Variants in PDE10A observed in about 807,000 individuals in gnomAD.
PDE10A encodes cAMP and cAMP-inhibited cGMP 3',5'-cyclic phosphodiesterase 10A.
PDE10A carries 39 observed loss-of-function variants against 97.7 expected under a neutral mutation model. The observed-to-expected ratio is 0.40, with a 90% CI of 0.31 to 0.52. The LOEUF is 0.52. Ranked by LOEUF, PDE10A falls within the 20% of genes least tolerant of loss-of-function variation. PDE10A has a pLI of 0.56. For synonymous variants in PDE10A, 371 were observed against 376.8 expected, an observed-to-expected ratio of 0.98 and a Z score of 0.18; for missense variants, 731 against 1,047.8, an observed-to-expected ratio of 0.70 and a Z score of 4.17.
upstream of PDE10A, among the ~76,000 whole-genome samples, chr6:165,665,298 G>T (rs1189148387): frequency 1.3e-5 from 2 of 152,194 alleles, no homozygotes; most frequent in Non-Finnish European, 2.9e-5. Context: ...TGACAAAGGC[G>T]CAGACATACA....
chr6:165,619,719 C>CTAGTG (rs1788029796), intron 1 of PDE10A, among the ~76,000 whole-genome samples: 3 of 102,554 alleles, frequency 2.9e-5, no homozygotes, highest in African/African-American at 1.7e-4. Flanking sequence ...GTAGTGTAGT[C>CTAGTG]CAGTGTAGTG....
intron 19 of PDE10A, among the ~76,000 whole-genome samples, chr6:165,339,599 T>A (rs1420365129): frequency 2.0e-5 from 3 of 152,184 alleles, no homozygotes; most frequent in African/African-American, 7.2e-5. Flanking sequence ...CTGGTTTCAT[T>A]TTGCAGAAGT....
At chr6:165,617,846 C>T (rs1276926086) in intron 1 of PDE10A, among the ~76,000 whole-genome samples, 2 of 152,130 alleles carry the variant, frequency 1.3e-5, no homozygotes, top group African/African-American at 4.8e-5. Flanking sequence ...TAACGGCTCT[C>T]AGTGGTAAAG....
intron 7 of PDE10A, among the ~76,000 whole-genome samples, 199 bp from the exon 8 acceptor site, chr6:165,431,671 G>T (rs1789589232): frequency 6.7e-6 from 1 of 149,248 alleles, no homozygotes; most frequent in African/African-American, 2.5e-5. Flanking sequence ...CTCAACAAAG[G>T]ACTCGGGGAT....
At chr6:165,968,980 C>T (rs1784594535) in intron 1 of PDE10A, among the ~76,000 whole-genome samples, 1 of 152,196 alleles carries the variant, frequency 6.6e-6, no homozygotes, top group Non-Finnish European at 1.5e-5. Flanking sequence ...TGAAACCTCC[C>T]TGTCTCTACC....
At chr6:165,777,108 G>C (rs1778208169) in intron 1 of PDE10A, among the ~76,000 whole-genome samples, 1 of 152,180 alleles carries the variant, frequency 6.6e-6, no homozygotes, top group African/African-American at 2.4e-5. Context: ...CTCCATGCTT[G>C]TCTACTGAGA....
chr6:165,938,942 G>A (rs193107439), intron 1 of PDE10A, among the ~76,000 whole-genome samples: 182 of 152,278 alleles, frequency 1.2e-3, no homozygotes, highest in Non-Finnish European at 2.1e-3. Flanking sequence ...ATTTATTGCA[G>A]CTCTGTTTAT....
intron 1 of PDE10A, among the ~76,000 whole-genome samples, chr6:165,825,918 C>T (rs117665332): frequency 0.046 from 6,993 of 152,300 alleles, 200 homozygotes; most frequent in Middle Eastern, 0.085. Flanking sequence ...ATGAGAAACT[C>T]CCTTTTTTTT....
At chr6:165,625,604 G>A (rs943307618) in intron 1 of PDE10A, among the ~76,000 whole-genome samples, 4 of 152,206 alleles carry the variant, frequency 2.6e-5, no homozygotes, top group Non-Finnish European at 5.9e-5. Flanking sequence ...GGGACCTGGT[G>A]AGAGGTAATT....
chr6:165,971,626 G>T (rs1009995552), intron 1 of PDE10A, among the ~76,000 whole-genome samples: 1 of 152,146 alleles, frequency 6.6e-6, no homozygotes, highest in Non-Finnish European at 1.5e-5. Flanking sequence ...TTTTACGTAT[G>T]TATTTTACTG....
At chr6:165,718,096 T>C (rs958217848) in intron 1 of PDE10A, 5 of 152,238 alleles carry the variant, frequency 3.3e-5, no homozygotes, top group Middle Eastern at 3.2e-3. Flanking sequence ...GTTTTTAATT[T>C]TGATAAAATC....
At position 165,733,203 on chromosome 6, in the gene PDE10A, C is replaced by T. The variant is rs76704594; in HGVS notation, c.-614-189635G>A. On this transcript the variant is annotated intron_variant, in intron 1 of 19. Transcript: ENST00000366882. The stretch of plus-strand genomic sequence containing the variant: ...GAGAACCTCCCTAGCCATGTTCCAC[C>T]CAGACCTGAGATACAACAAATAATC... Among the ~76,000 whole-genome samples the T allele has an allele frequency of 9.6e-3, 1,460 of 152,318 alleles. 13 individuals carry two copies. The highest frequency in any genetic ancestry group is 0.015 in the Non-Finnish European group (1,017 of 68,026).
At chr6:165,886,621 C>T (rs948961824) in intron 1 of PDE10A, among the ~76,000 whole-genome samples, 6 of 152,180 alleles carry the variant, frequency 3.9e-5, no homozygotes, top group African/African-American at 1.4e-4. Context: ...CTTGGCCTTG[C>T]TTTTTTGAAG....
chr6:165,508,785 C>G (rs771746014), intron 2 of PDE10A, among the ~76,000 whole-genome samples: 22 of 152,050 alleles, frequency 1.4e-4, no homozygotes, highest in Admixed American at 2.6e-4. Context: ...ACTGAGGATT[C>G]ATTTACATAC....
intron 1 of PDE10A, among the ~76,000 whole-genome samples, chr6:165,558,928 G>A (rs187833894): frequency 1.3e-5 from 2 of 151,324 alleles, no homozygotes; most frequent in East Asian, 3.9e-4. Context: ...TTGTGCACAT[G>A]TACCCTAAAA....
chr6:165,944,084 C>T (rs1783679088), intron 1 of PDE10A, among the ~76,000 whole-genome samples: 1 of 152,172 alleles, frequency 6.6e-6, no homozygotes, highest in South Asian at 2.1e-4. Context: ...GAAGCAAATG[C>T]CTCCTTCTTC....
At position 165,943,197 on chromosome 6, in the gene PDE10A, AAGAAAGAAAGAAAG is replaced by A. The variant is rs1161900371; in HGVS notation, c.-615+44318_-615+44331del. ...GAAAAAAGAAAGAAAGAAAGAAAGA[AAGAAAGAAAGAAAG>A]AAAGAAAGAAAGAAAGAAAGAAAGA... On this transcript the variant is annotated intron_variant, in intron 1 of 19. Transcript: ENST00000366882. Among the ~76,000 whole-genome samples, 53 of 59,636 alleles carry A rather than the reference AAGAAAGAAAGAAAG, an allele frequency of 8.9e-4. 3 individuals are homozygous for A. Among genetic ancestry groups the A allele is most frequent in the Non-Finnish European group, 1.3e-3 (39 of 30,272 alleles). 39.1% of individuals were successfully genotyped at this position (59,636 alleles called of 152,430 possible).
At chr6:165,606,167 A>AC (rs1431728763) in intron 1 of PDE10A, among the ~76,000 whole-genome samples, 1 of 151,450 alleles carries the variant, frequency 6.6e-6, no homozygotes, top group Non-Finnish European at 1.5e-5. Flanking sequence ...AAAAAAAAAA[A>AC]AACAGAAATA....
chr6:165,433,147 A>C lies in PDE10A; in HGVS notation c.1336-18T>G. The stretch of plus-strand genomic sequence containing the variant: ...CGTTCATCCTGAAAAACAAAAAGAC[A>C]AAAAGACATAAATTCAGTGAAATGA... On this transcript the variant is annotated intron_variant, in intron 6 of 21. Transcript: ENST00000539869. 1 of 1,589,476 alleles carries C rather than the reference A, an allele frequency of 6.3e-7. No homozygotes were observed. The highest frequency in any genetic ancestry group is 8.6e-7 in the Non-Finnish European group (1 of 1,162,044).
Sources: gnomAD v4.1 joint callset for allele counts (sites outside exome capture counted in the v4.1 genomes callset) on GRCh38, gnomAD v4.1.1 for gene constraint, MANE v1.5 for transcripts, NCBI Gene and HGNC (gene_info 2026-07-23, HGNC 2026-07-21) for gene names.